The following ZNF804A variants were observed in gnomAD, a reference collection of about 807,000 sequenced individuals.
ZNF804A encodes the protein zinc finger protein 804A.
ZNF804A carries 2 observed loss-of-function variants against 16.5 expected under a neutral mutation model. That is an observed-to-expected ratio of 0.12 (90% CI 0.05 to 0.38). The LOEUF is 0.38. Ranked by LOEUF, ZNF804A falls within the 10% of genes least tolerant of loss-of-function variation. ZNF804A has a pLI of 0.99. For synonymous variants in ZNF804A, 534 were observed against 489.6 expected (o/e 1.09, Z -1.20); for missense variants, 1,473 against 1,390.7 (o/e 1.06, Z -0.94).
chr2:184,636,055 AG>A (rs1168233046), intron 1 of ZNF804A, among the ~76,000 whole-genome samples: 1 of 152,156 alleles, frequency 6.6e-6, no homozygotes. Context: ...GTAAAGTTGA[AG>A]TAAGTGAAAA....
intron 1 of ZNF804A, among the ~76,000 whole-genome samples, chr2:184,846,511 T>C (rs966305873): frequency 3.3e-5 from 5 of 152,076 alleles, no homozygotes; most frequent in Non-Finnish European, 7.4e-5. Flanking sequence ...TATGTATGGA[T>C]TTTATATATA....
intron 1 of ZNF804A, among the ~76,000 whole-genome samples, chr2:184,712,997 G>A (rs1693153082): frequency 6.6e-6 from 1 of 151,554 alleles, no homozygotes; most frequent in Non-Finnish European, 1.5e-5. Context: ...GCGTTTATAA[G>A]GAAATTTATA....
At chr2:184,729,933 C>A (rs1416208144) in intron 1 of ZNF804A, among the ~76,000 whole-genome samples, 1 of 152,086 alleles carries the variant, frequency 6.6e-6, no homozygotes, top group Non-Finnish European at 1.5e-5. Flanking sequence ...TCTTTGCATG[C>A]CTGTCCCAAA....
chr2:184,866,962 G>T (rs1419056274), intron 2 of ZNF804A, among the ~76,000 whole-genome samples: 1 of 150,938 alleles, frequency 6.6e-6, no homozygotes, highest in Non-Finnish European at 1.5e-5. Flanking sequence ...AAGCATTTTG[G>T]ATTTAAGCTA....
chr2:184,813,717 A>G (rs1694933620), intron 1 of ZNF804A, among the ~76,000 whole-genome samples: 1 of 152,052 alleles, frequency 6.6e-6, no homozygotes, highest in Admixed American at 6.6e-5. Flanking sequence ...ATTTAGTGTT[A>G]TATGACATGT....
chr2:184,640,930 C>A (rs1691786332), intron 1 of ZNF804A, among the ~76,000 whole-genome samples: 3 of 152,130 alleles, frequency 2.0e-5, no homozygotes, highest in Non-Finnish European at 4.4e-5. Flanking sequence ...AATGCCCAAT[C>A]TTTCCACTTA....
chr2:184,810,518 T>A (rs980404465), intron 1 of ZNF804A, among the ~76,000 whole-genome samples: 15 of 136,698 alleles, frequency 1.1e-4, no homozygotes, highest in African/African-American at 4.3e-4. Context: ...TGAGACGGAG[T>A]CTCACTCTGT....
intron 2 of ZNF804A, among the ~76,000 whole-genome samples, chr2:184,907,599 A>G (rs1318522090): frequency 6.6e-6 from 1 of 152,122 alleles, no homozygotes; most frequent in Non-Finnish European, 1.5e-5. Flanking sequence ...ATATGGTTGA[A>G]TGAAGTTGTG....
At chr2:184,664,308 A>T (rs904008716) in intron 1 of ZNF804A, among the ~76,000 whole-genome samples, 14 of 152,204 alleles carry the variant, frequency 9.2e-5, no homozygotes, top group African/African-American at 3.4e-4. Context: ...AAAGGATTGA[A>T]TTAGATATTC....
At chr2:184,763,192 A>G (rs1171568634) in intron 1 of ZNF804A, among the ~76,000 whole-genome samples, 2 of 152,136 alleles carry the variant, frequency 1.3e-5, no homozygotes, top group African/African-American at 4.8e-5. Context: ...TTAACCCTTA[A>G]TACCTTACAA....
In ZNF804A at chr2:184,811,236, A is replaced by G. The variant is rs566154816; in HGVS notation, c.112-55133A>G. ...CATCAAAATCATTGACAAGGAAATG[A>G]CACATAAACACCAGCTGTAGTGCAT... On this transcript the variant is annotated intron_variant, in intron 1 of 3. Transcript: ENST00000302277. Among the ~76,000 whole-genome samples the G allele has an allele frequency of 2.6e-5, 4 of 152,308 alleles. No homozygotes were observed. In the South Asian group the frequency reaches 8.3e-4, roughly 32 times the overall value.
At chr2:184,614,842 T>A (rs1208271731) in intron 1 of ZNF804A, among the ~76,000 whole-genome samples, 1 of 152,112 alleles carries the variant, frequency 6.6e-6, no homozygotes, top group South Asian at 2.1e-4. Context: ...TGAGATACCA[T>A]CTCATGCTAG....
At chr2:184,699,376 C>T (rs1449483873) in intron 1 of ZNF804A, among the ~76,000 whole-genome samples, 1 of 152,040 alleles carries the variant, frequency 6.6e-6, no homozygotes, top group African/African-American at 2.4e-5. Flanking sequence ...AATATTTAGG[C>T]ACCATTATGC....
At chr2:184,639,053 C>G (rs1260933184) in intron 1 of ZNF804A, among the ~76,000 whole-genome samples, 1 of 147,860 alleles carries the variant, frequency 6.8e-6, no homozygotes, top group Non-Finnish European at 1.5e-5. Flanking sequence ...ATCATCTTCT[C>G]TAGGAAGCCC....
At chr2:184,916,900 C>G (rs906867836) in intron 2 of ZNF804A, among the ~76,000 whole-genome samples, 1 of 151,688 alleles carries the variant, frequency 6.6e-6, no homozygotes, top group African/African-American at 2.4e-5. Flanking sequence ...AAAAAAAATG[C>G]ATAGGTAATC....
chr2:184,817,003 C>G (rs17584522), intron 1 of ZNF804A, among the ~76,000 whole-genome samples: 26,699 of 151,696 alleles, frequency 0.18, 2,854 homozygotes, highest in East Asian at 0.3. Flanking sequence ...CAGATCAGTA[C>G]GTTATTAATA....
rs538998760 is a variant in ZNF804A, at chr2:184,602,446, A to G, written c.111+3376A>G. Among the ~76,000 whole-genome samples the G allele has an allele frequency of 1.3e-4, 19 of 151,998 alleles. No individual in the cohort carries two copies. In the East Asian group the frequency reaches 2.9e-3, roughly 23 times the overall value. ...AAGAATAAAGTTTATCTTCCATCTA[A>G]TCTCATTCTTTTTATTTAGATTTTC... On this transcript the variant is annotated intron_variant, in intron 1 of 3. Transcript: ENST00000302277.
intron 1 of ZNF804A, among the ~76,000 whole-genome samples, chr2:184,860,559 G>C (rs1430280145): frequency 1.3e-5 from 2 of 152,190 alleles, no homozygotes; most frequent in Non-Finnish European, 2.9e-5. Context: ...GGGTGATCCA[G>C]AGCCTGAGAC....
At chr2:184,883,926 C>G (rs1355801415) in intron 2 of ZNF804A, among the ~76,000 whole-genome samples, 1 of 151,820 alleles carries the variant, frequency 6.6e-6, no homozygotes, top group Non-Finnish European at 1.5e-5. Context: ...ACTCCTATTT[C>G]ACATAGTACT....
Sources: gnomAD v4.1 joint callset for allele counts (sites outside exome capture counted in the v4.1 genomes callset) on GRCh38, gnomAD v4.1.1 for gene constraint, MANE v1.5 for transcripts, NCBI Gene and HGNC (gene_info 2026-07-23, HGNC 2026-07-21) for gene names.